DLGAP1: variants seen among roughly 807,000 people sequenced by gnomAD.
DLGAP1 encodes disks large-associated protein 1.
In DLGAP1, 11 loss-of-function variants were observed where a neutral mutation model predicts 90.8. The observed-to-expected ratio is 0.12, with a 90% confidence interval of 0.08 to 0.20. The LOEUF (loss-of-function observed/expected upper bound fraction) is 0.20, where lower values mean the gene tolerates loss of function less well. Ranked by LOEUF, DLGAP1 falls within the 10% of genes least tolerant of loss-of-function variation. DLGAP1 has a pLI of 1.00. For missense variants in DLGAP1, 1,050 were observed against 1,333.8 expected (o/e 0.79, Z 3.31); for synonymous variants, 558 against 540.7 (o/e 1.03, Z -0.44).
chr18:3,503,621 C>T (rs957051016), intron 11 of DLGAP1, among the ~76,000 whole-genome samples: 1 of 152,178 alleles, frequency 6.6e-6, no homozygotes, highest in Admixed American at 6.5e-5. Flanking sequence ...GGCAACTGGA[C>T]AGACTGTGAA....
chr18:4,143,862 C>T (rs1481353967), intron 2 of DLGAP1, among the ~76,000 whole-genome samples: 1 of 152,146 alleles, frequency 6.6e-6, no homozygotes, highest in African/African-American at 2.4e-5. Context: ...GGGTCCTTCC[C>T]TTCAAGGCAG....
At chr18:4,364,804 T>C (rs541612535) in intron 1 of DLGAP1, among the ~76,000 whole-genome samples, 222 of 152,296 alleles carry the variant, frequency 1.5e-3, no homozygotes, top group African/African-American at 5.2e-3. Flanking sequence ...GGGCTATACA[T>C]TTCCCTCTTA....
rs529452406 is a variant in DLGAP1, at chr18:4,395,399, A to G, written c.-267+59607T>C. Among the ~76,000 whole-genome samples the G allele has an allele frequency of 1.1e-4, 17 of 152,316 alleles. No individual in the cohort carries two copies. The East Asian group carries it at 3.3e-3, about 29-fold the overall frequency. On this transcript the variant is annotated intron_variant, in intron 1 of 12. Coordinates refer to ENST00000315677, the MANE Select transcript of DLGAP1 (RefSeq NM_004746.4). ...AATCAAATAGGGGGTATAAAGTAAA[A>G]TCAAGATTTTTGCCTTACTTTTAAA...
chr18:4,066,285 T>C (rs2075368674), intron 2 of DLGAP1, among the ~76,000 whole-genome samples: 1 of 151,988 alleles, frequency 6.6e-6, no homozygotes, highest in Non-Finnish European at 1.5e-5. Flanking sequence ...CAAAAGCAAT[T>C]GCAACAAAAG....
chr18:3,919,907 T>C (rs1310292128), intron 3 of DLGAP1, among the ~76,000 whole-genome samples: 1 of 152,202 alleles, frequency 6.6e-6, no homozygotes, highest in Non-Finnish European at 1.5e-5. Flanking sequence ...CACATAGCAC[T>C]GTGAAACAGA....
At chr18:4,032,773 A>G (rs1409623291) in intron 2 of DLGAP1, among the ~76,000 whole-genome samples, 1 of 151,570 alleles carries the variant, frequency 6.6e-6, no homozygotes, top group African/African-American at 2.4e-5. Context: ...TGTACTATCC[A>G]CTATAGGAGT....
chr18:3,511,338 TGTGAG>T (rs2050533670), intron 10 of DLGAP1, among the ~76,000 whole-genome samples: 1 of 152,174 alleles, frequency 6.6e-6, no homozygotes, highest in African/African-American at 2.4e-5. Flanking sequence ...TCACTCTGTG[TGTGAG>T]GTAAGTTCTT....
At chr18:3,754,226 C>T (rs1164152788) in intron 5 of DLGAP1, among the ~76,000 whole-genome samples, 1 of 152,090 alleles carries the variant, frequency 6.6e-6, no homozygotes, top group Non-Finnish European at 1.5e-5. Context: ...TGGTCTTGAA[C>T]TCTTGGGTCC....
chr18:3,656,834 C>T (rs1418124086), intron 7 of DLGAP1, among the ~76,000 whole-genome samples: 1 of 152,022 alleles, frequency 6.6e-6, no homozygotes, highest in Admixed American at 6.6e-5. Context: ...GCAACCTCTG[C>T]CTCCTGGGTG....
At chr18:4,083,886 A>T (rs1160442340) in intron 2 of DLGAP1, among the ~76,000 whole-genome samples, 1 of 152,004 alleles carries the variant, frequency 6.6e-6, no homozygotes, top group Non-Finnish European at 1.5e-5. Context: ...GGCTTATGTT[A>T]ATTAGCTCAA....
chr18:4,317,004 G>T (rs1308702762), intron 1 of DLGAP1, among the ~76,000 whole-genome samples: 1 of 144,974 alleles, frequency 6.9e-6, no homozygotes, highest in African/African-American at 2.5e-5. Context: ...CCTACACCCA[G>T]GTCTACTGGT....
intron 9 of DLGAP1, among the ~76,000 whole-genome samples, chr18:3,541,811 G>T (rs1448563766): frequency 1.3e-5 from 2 of 152,118 alleles, no homozygotes; most frequent in Non-Finnish European, 2.9e-5. Context: ...AGTTACGAAG[G>T]CTGTGAGCTT....
chr18:3,809,354 T>C (rs1347254369), intron 5 of DLGAP1, among the ~76,000 whole-genome samples: 1 of 152,180 alleles, frequency 6.6e-6, no homozygotes, highest in Admixed American at 6.5e-5. Context: ...CTACTTAGTA[T>C]TTTTCCAAAT....
At chr18:4,368,663 A>G (rs2081837983) in intron 1 of DLGAP1, among the ~76,000 whole-genome samples, 1 of 150,876 alleles carries the variant, frequency 6.6e-6, no homozygotes, top group African/African-American at 2.5e-5. Flanking sequence ...ACACACACAC[A>G]CACACACACA....
intron 1 of DLGAP1, among the ~76,000 whole-genome samples, chr18:4,171,205 C>T (rs1458275463): frequency 6.6e-6 from 1 of 152,074 alleles, no homozygotes; most frequent in Non-Finnish European, 1.5e-5. Flanking sequence ...GTGGTTTCTG[C>T]AAGCCAAATG....
At chr18:3,803,740 C>G (rs1273886626) in intron 5 of DLGAP1, among the ~76,000 whole-genome samples, 2 of 151,982 alleles carry the variant, frequency 1.3e-5, no homozygotes, top group Non-Finnish European at 2.9e-5. Context: ...CCTCGTGAGG[C>G]TCACAACCAT....
chr18:4,173,966 A>G (rs554989666), intron 1 of DLGAP1, among the ~76,000 whole-genome samples: 7 of 152,252 alleles, frequency 4.6e-5, no homozygotes, highest in East Asian at 1.9e-4. Context: ...CACTATTTAC[A>G]TAAGTTCCAC....
intron 4 of DLGAP1, among the ~76,000 whole-genome samples, chr18:3,867,583 G>A (rs1380620334): frequency 6.6e-6 from 1 of 152,148 alleles, no homozygotes; most frequent in Non-Finnish European, 1.5e-5. Context: ...CATGGGCACA[G>A]TGTTCCAGGA....
chr18:4,041,323 A>G (rs546524822), intron 2 of DLGAP1, among the ~76,000 whole-genome samples: 10 of 152,304 alleles, frequency 6.6e-5, no homozygotes, highest in African/African-American at 2.4e-4. Context: ...GGATTGTCAC[A>G]CTATTCATAA....
Sources: gnomAD v4.1 joint callset for allele counts (sites outside exome capture counted in the v4.1 genomes callset) on GRCh38, gnomAD v4.1.1 for gene constraint, MANE v1.5 for transcripts, NCBI Gene and HGNC (gene_info 2026-07-23, HGNC 2026-07-21) for gene names.